The following DIAPH3 variants were observed in gnomAD, a reference collection of about 807,000 sequenced individuals.
DIAPH3 encodes the protein diaphanous related formin 3.
A neutral mutation model predicts 144.3 loss-of-function variants in DIAPH3; 117 were observed. The ratio of observed to expected loss-of-function variants is 0.81; its 90% CI spans 0.70 to 0.95. The LOEUF is 0.95. Ranked by LOEUF, DIAPH3 falls within the 40% of genes least tolerant of loss-of-function variation. The pLI, the probability that DIAPH3 is intolerant of heterozygous loss-of-function variation, is 0.00. For missense variants in DIAPH3, 1,421 were observed against 1,412.7 expected (o/e 1.01, Z -0.09); for synonymous variants, 519 against 488.9 (o/e 1.06, Z -0.81).
intron 17 of DIAPH3, among the ~76,000 whole-genome samples, chr13:59,930,061 C>T (rs1272396497): frequency 6.6e-6 from 1 of 152,178 alleles, no homozygotes; most frequent in Non-Finnish European, 1.5e-5. Context: ...CAGTGTTCTT[C>T]ATACATGACC....
intron 22 of DIAPH3, among the ~76,000 whole-genome samples, chr13:59,846,717 T>C (rs1326030332): frequency 6.6e-6 from 1 of 151,734 alleles, no homozygotes; most frequent in Non-Finnish European, 1.5e-5. Flanking sequence ...ACTAAAACAA[T>C]ACTGAAAAAA....
intron 23 of DIAPH3, 102 bp from the exon 24 acceptor site, chr13:59,833,373 T>C: frequency 1.1e-6 from 1 of 878,910 alleles, no homozygotes; most frequent in Non-Finnish European, 1.7e-6. Flanking sequence ...ACCATTACTA[T>C]ATTTCCAAAA....
intron 25 of DIAPH3, among the ~76,000 whole-genome samples, chr13:59,802,596 T>A (rs1009180797): frequency 6.8e-6 from 1 of 146,894 alleles, no homozygotes; most frequent in Non-Finnish European, 1.5e-5. Flanking sequence ...GGTTTTTTTT[T>A]AATCTGTCTC....
At chr13:59,853,265 T>C (rs1354844521) in intron 22 of DIAPH3, among the ~76,000 whole-genome samples, 1 of 152,318 alleles carries the variant, frequency 6.6e-6, no homozygotes, top group African/African-American at 2.4e-5. Context: ...AAATCACTTA[T>C]TACAGTTATT....
At chr13:59,925,030 C>A (rs1471861180) in intron 17 of DIAPH3, among the ~76,000 whole-genome samples, 160 bp from the exon 18 acceptor site, 1 of 151,980 alleles carries the variant, frequency 6.6e-6, no homozygotes, top group Non-Finnish European at 1.5e-5. Context: ...AAGACCTGAA[C>A]TGTTGAAGAT....
Position 59,718,197 on chromosome 13 carries a change from G to A in DIAPH3, c.3320-51351C>T, listed in dbSNP as rs565172585. ...ACCTCCCTGATGCCACGCTGCTGGT[G>A]GTGAGGAAAAAGCTCAGACTTAACT... On this transcript the variant is annotated intron_variant, in intron 27 of 27. Coordinates refer to ENST00000400324, the MANE Select transcript of DIAPH3 (RefSeq NM_001042517.2). Among the ~76,000 whole-genome samples the A allele has an allele frequency of 3.3e-5, 5 of 152,110 alleles. No individual in the cohort carries two copies. The East Asian group carries it at 7.7e-4, about 23-fold the overall frequency.
chr13:60,086,974 A>G (rs2057766868), intron 4 of DIAPH3, among the ~76,000 whole-genome samples: 1 of 152,200 alleles, frequency 6.6e-6, no homozygotes, highest in Non-Finnish European at 1.5e-5. Context: ...GAGATGCTCC[A>G]GTCTCTGATA....
At chr13:60,015,621 G>T (rs1263140729) in intron 7 of DIAPH3, among the ~76,000 whole-genome samples, 2 of 151,504 alleles carry the variant, frequency 1.3e-5, no homozygotes, top group African/African-American at 4.9e-5. Flanking sequence ...AGGGTGGTGG[G>T]TGGAGAGAAA....
intron 2 of DIAPH3, among the ~76,000 whole-genome samples, chr13:60,116,667 G>A (rs1209963012): frequency 5.3e-5 from 8 of 151,444 alleles, no homozygotes; most frequent in Non-Finnish European, 7.4e-5. Context: ...CTTCATTAAT[G>A]CAACATCAAT....
At chr13:59,927,082 T>C (rs1166297636) in intron 17 of DIAPH3, among the ~76,000 whole-genome samples, 1 of 152,104 alleles carries the variant, frequency 6.6e-6, no homozygotes, top group Non-Finnish European at 1.5e-5. Context: ...AATGATCTTG[T>C]CTCTTTTTAT....
chr13:59,858,515 A>G (rs2043388175), intron 22 of DIAPH3, among the ~76,000 whole-genome samples: 1 of 152,190 alleles, frequency 6.6e-6, no homozygotes, highest in Non-Finnish European at 1.5e-5. Flanking sequence ...ATGGAAATAC[A>G]TGGTGGAATT....
chr13:60,092,391 G>A (rs995786409), intron 4 of DIAPH3, among the ~76,000 whole-genome samples: 1 of 152,134 alleles, frequency 6.6e-6, no homozygotes, highest in Non-Finnish European at 1.5e-5. Context: ...AGTGGCTCAC[G>A]CCTGTAATCC....
intron 4 of DIAPH3, among the ~76,000 whole-genome samples, chr13:60,079,243 T>C (rs1304107114): frequency 2.0e-5 from 3 of 152,078 alleles, no homozygotes; most frequent in African/African-American, 7.2e-5. Flanking sequence ...ATTCCAGAGA[T>C]AGATGTTCAA....
rs552878787 is a variant in DIAPH3 at position 59,833,092 on chromosome 13, A to AT, written c.3027+14dup. On this transcript the variant is annotated intron_variant, in intron 24 of 27. Coordinates refer to ENST00000400324, the MANE Select transcript of DIAPH3 (RefSeq NM_001042517.2). Reference sequence around the variant, plus strand: ...AAATAAAAAAACTTTTTAAAAAACAATTTTTTTACCATACCATGAATGTGG... The same window carrying AT: ...AAATAAAAAAACTTTTTAAAAAACAATTTTTTTTACCATACCATGAATGTGG... 1,089 of 1,602,166 alleles carry AT rather than the reference A, an allele frequency of 6.8e-4. 12 individuals carry two copies. The South Asian group carries it at 7.6e-3, about 11-fold the overall frequency.
chr13:59,869,332 A>G (rs559309295), intron 21 of DIAPH3, among the ~76,000 whole-genome samples: 2 of 152,240 alleles, frequency 1.3e-5, no homozygotes, highest in African/African-American at 4.8e-5. Context: ...AAAAATTACA[A>G]CTCCATCCTC....
chr13:59,680,198 A>G (rs1451925168), intron 27 of DIAPH3, among the ~76,000 whole-genome samples: 1 of 152,212 alleles, frequency 6.6e-6, no homozygotes, highest in Non-Finnish European at 1.5e-5. Flanking sequence ...TAGGAAAGAT[A>G]TATTATTCAT....
intron 9 of DIAPH3, among the ~76,000 whole-genome samples, chr13:59,999,921 A>G (rs1283175880): frequency 6.6e-6 from 1 of 152,196 alleles, no homozygotes; most frequent in Non-Finnish European, 1.5e-5. Context: ...AGTTTCAACA[A>G]GGGTTATCAT....
intron 9 of DIAPH3, among the ~76,000 whole-genome samples, chr13:59,993,702 T>TAAAAAAAAAAAAAAAAAA (rs3078724): frequency 1.4e-4 from 10 of 73,866 alleles, no homozygotes; most frequent in African/African-American, 1.8e-4. Flanking sequence ...GAAACATACT[T>TAAAAAAAAAAAAAAAAAA]AAAAAAAAAA....
intron 3 of DIAPH3, among the ~76,000 whole-genome samples, chr13:60,102,684 T>C (rs1243291138): frequency 6.6e-6 from 1 of 152,162 alleles, no homozygotes; most frequent in Non-Finnish European, 1.5e-5. Context: ...GACACAAAGA[T>C]GGCCAAGCTA....
Sources: gnomAD v4.1 joint callset for allele counts (sites outside exome capture counted in the v4.1 genomes callset) on GRCh38, gnomAD v4.1.1 for gene constraint, MANE v1.5 for transcripts, NCBI Gene and HGNC (gene_info 2026-07-23, HGNC 2026-07-21) for gene names.